TBC1D5: variants seen among roughly 807,000 people sequenced by gnomAD.
The protein encoded by TBC1D5 is TBC1 domain family, member 5.
Under a neutral mutation model 100.3 loss-of-function variants are expected in TBC1D5, and 75 were observed. That is an observed-to-expected ratio of 0.75 (90% confidence interval 0.62 to 0.91). The LOEUF is 0.91. Ranked by LOEUF, TBC1D5 falls within the 40% of genes least tolerant of loss-of-function variation. The pLI, the probability that TBC1D5 is intolerant of heterozygous loss-of-function variation, is 0.00. For synonymous variants in TBC1D5, 323 were observed against 325.6 expected (o/e 0.99, Z 0.09); for missense variants, 910 against 942.4 (o/e 0.97, Z 0.45).
At chr3:17,354,582 G>A (rs1264011837) in intron 13 of TBC1D5, among the ~76,000 whole-genome samples, 1 of 152,032 alleles carries the variant, frequency 6.6e-6, no homozygotes, top group African/African-American at 2.4e-5. Context: ...AGATGCCTGG[G>A]CAGTGTTGCT....
intron 2 of TBC1D5, among the ~76,000 whole-genome samples, chr3:17,620,577 A>C (rs920747053): frequency 6.6e-6 from 1 of 152,232 alleles, no homozygotes; most frequent in Non-Finnish European, 1.5e-5. Context: ...TTTTTAGGTA[A>C]AAACAAGAAA....
rs190288329 is a variant in TBC1D5, at chr3:17,591,192, C to T, written c.-36+32657G>A. Among the ~76,000 whole-genome samples, 19 of 129,312 alleles carry T rather than the reference C, an allele frequency of 1.5e-4. No homozygotes were observed. In the East Asian group the frequency reaches 3.0e-3, roughly 20 times the overall value. The allele number at this position is 129,312 out of a possible 152,430, so 84.8% of individuals were successfully genotyped here. ...CAGAGCTTGCAGTGAGCCGAGATTG[C>T]GCCACTGTACTCCAGACTGGGCTAC... On this transcript the variant is annotated intron_variant, in intron 2 of 21. Coordinates refer to ENST00000253692, the Ensembl canonical transcript of TBC1D5.
chr3:17,388,998 C>T (rs1463908370), intron 8 of TBC1D5, among the ~76,000 whole-genome samples: 1 of 152,112 alleles, frequency 6.6e-6, no homozygotes, highest in African/African-American at 2.4e-5. Flanking sequence ...AAATTCTTAA[C>T]ACTTTGTTCA....
intron 13 of TBC1D5, among the ~76,000 whole-genome samples, chr3:17,340,425 C>T (rs926571933): frequency 2.0e-5 from 3 of 152,186 alleles, no homozygotes; most frequent in Non-Finnish European, 4.4e-5. Flanking sequence ...CTACCACAGG[C>T]AGGGAGGTGG....
At chr3:17,468,158 G>T (rs2095330557) in intron 3 of TBC1D5, among the ~76,000 whole-genome samples, 1 of 152,226 alleles carries the variant, frequency 6.6e-6, no homozygotes, top group Admixed American at 6.5e-5. Flanking sequence ...CCAGGATCTA[G>T]TGTACAGACA....
intron 3 of TBC1D5, among the ~76,000 whole-genome samples, chr3:17,443,339 C>T (rs1005839371): frequency 6.6e-6 from 1 of 152,166 alleles, no homozygotes; most frequent in Admixed American, 6.5e-5. Context: ...TAGATTGACA[C>T]CAAGTAGCCA....
intron 2 of TBC1D5, among the ~76,000 whole-genome samples, chr3:17,533,326 T>G (rs980791685): frequency 6.6e-6 from 1 of 152,178 alleles, no homozygotes; most frequent in African/African-American, 2.4e-5. Context: ...CATATCAATT[T>G]CATTAATCAC....
intron 1 of TBC1D5, among the ~76,000 whole-genome samples, chr3:17,649,490 T>C (rs1282450092): frequency 1.3e-5 from 2 of 151,946 alleles, no homozygotes; most frequent in Non-Finnish European, 2.9e-5. Flanking sequence ...AAAATAAAAA[T>C]AATGCACTCA....
intron 14 of TBC1D5, among the ~76,000 whole-genome samples, chr3:17,302,476 A>AC (rs2082954628): frequency 6.6e-6 from 1 of 151,696 alleles, no homozygotes; most frequent in African/African-American, 2.4e-5. Flanking sequence ...TCTTTTGTTG[A>AC]GGGGGGGGAT....
chr3:17,259,528 TG>T (rs2149444715), intron 15 of TBC1D5, among the ~76,000 whole-genome samples: 1 of 152,352 alleles, frequency 6.6e-6, no homozygotes, highest in African/African-American at 2.4e-5. Context: ...TGTGTTCTAA[TG>T]TTTACCTGGG....
At chr3:17,627,611 C>T (rs935247061) in intron 1 of TBC1D5, among the ~76,000 whole-genome samples, 12 of 149,484 alleles carry the variant, frequency 8.0e-5, no homozygotes, top group Admixed American at 7.3e-4. Flanking sequence ...GTTAAACAAG[C>T]GGGGTCTTAG....
intron 1 of TBC1D5, among the ~76,000 whole-genome samples, chr3:17,685,914 C>T (rs1054044368): frequency 3.9e-5 from 6 of 152,222 alleles, no homozygotes; most frequent in South Asian, 2.1e-4. Context: ...TTACAGATGG[C>T]ATTTCATTCA....
chr3:17,251,425 A>AC (rs67701407), intron 16 of TBC1D5, among the ~76,000 whole-genome samples: 22,330 of 108,716 alleles, frequency 0.21, 4,357 homozygotes, highest in East Asian at 0.5. Context: ...ACTCACGGGA[A>AC]CCCCCCCCCC....
At chr3:17,406,679 G>T in intron 4 of TBC1D5, 153 bp from the exon 5 acceptor site, 1 of 594,808 alleles carries the variant, frequency 1.7e-6, no homozygotes, top group Non-Finnish European at 2.9e-6. Context: ...ACGCATGGCT[G>T]TCTTTTTGGA....
At chr3:17,279,081 T>C (rs924412371) in intron 15 of TBC1D5, among the ~76,000 whole-genome samples, 4 of 152,262 alleles carry the variant, frequency 2.6e-5, no homozygotes, top group African/African-American at 9.6e-5. Context: ...AAGAGATAAA[T>C]TGCTTATGTT....
intron 1 of TBC1D5, chr3:17,739,219 T>A (rs2077201074): frequency 6.6e-6 from 1 of 152,256 alleles, no homozygotes; most frequent in Admixed American, 6.5e-5. Context: ...TCAGGTGGAC[T>A]AGCACCACTT....
intron 1 of TBC1D5, among the ~76,000 whole-genome samples, chr3:17,650,865 C>T (rs1398845352): frequency 6.6e-6 from 1 of 152,180 alleles, no homozygotes; most frequent in African/African-American, 2.4e-5. Flanking sequence ...CCCTTTTCAA[C>T]TTCATTTATA....
At chr3:17,238,238 T>C (rs748022725) in exon 17 of TBC1D5, 9 of 1,614,046 alleles carry the variant, frequency 5.6e-6, no homozygotes, top group South Asian at 1.1e-5. Flanking sequence ...AAGTGATGGC[T>C]TGGGGCCTCT....
intron 13 of TBC1D5, among the ~76,000 whole-genome samples, chr3:17,361,559 T>G (rs755385992): frequency 1.3e-4 from 20 of 152,108 alleles, no homozygotes; most frequent in Non-Finnish European, 2.4e-4. Flanking sequence ...ATCATGTTTT[T>G]AGATCATAAT....
Sources: allele counts gnomAD v4.1 joint callset (sites outside exome capture counted in the v4.1 genomes callset), GRCh38; gene constraint gnomAD v4.1.1; transcripts MANE v1.5; gene names NCBI Gene and HGNC (gene_info 2026-07-23, HGNC 2026-07-21).